SPATA22: variants seen among roughly 807,000 people sequenced by gnomAD.
SPATA22 encodes spermatogenesis associated 22.
A neutral mutation model predicts 47.8 loss-of-function variants in SPATA22; 29 were observed. That is an observed-to-expected ratio of 0.61 (90% CI 0.45 to 0.83). The LOEUF is 0.83. Ranked by LOEUF, SPATA22 falls within the 40% of genes least tolerant of loss-of-function variation. SPATA22 has a pLI of 0.00. For synonymous variants in SPATA22, 133 were observed against 140.9 expected, an observed-to-expected ratio of 0.94 and a Z score of 0.40; for missense variants, 410 against 421.7, an observed-to-expected ratio of 0.97 and a Z score of 0.24.
At chr17:3,442,614 C>T (rs2072622921) in intron 8 of SPATA22, among the ~76,000 whole-genome samples, 1 of 151,950 alleles carries the variant, frequency 6.6e-6, no homozygotes, top group African/African-American at 2.4e-5. Context: ...CCTAACAGTT[C>T]CTAACTCTTC....
At chr17:3,494,822 T>A (rs180873678) in intron 1 of SPATA22, among the ~76,000 whole-genome samples, 12 of 152,250 alleles carry the variant, frequency 7.9e-5, no homozygotes, top group African/African-American at 2.9e-4. Flanking sequence ...CCTACCCACA[T>A]TCAGCGGGTG....
In SPATA22 at chr17:3,466,304, A is replaced by G. The variant is rs374793382; in HGVS notation, c.172+1122T>C. Among the ~76,000 whole-genome samples, 7 of 152,098 alleles carry G rather than the reference A, an allele frequency of 4.6e-5. No homozygotes were observed. The East Asian group carries it at 9.6e-4, about 21-fold the overall frequency. On this transcript the variant is annotated intron_variant, in intron 3 of 8. Coordinates refer to ENST00000572969, the MANE Select transcript of SPATA22 (RefSeq NM_001170698.2). Reference sequence around the variant, plus strand: ...TGTATATAACCAGCATGTACCACGTATACTTCAGAATGTCTGCCTGCCCAT... The same window carrying G: ...TGTATATAACCAGCATGTACCACGTGTACTTCAGAATGTCTGCCTGCCCAT...
chr17:3,457,642 C>T (rs571020344), intron 5 of SPATA22, among the ~76,000 whole-genome samples: 38 of 138,638 alleles, frequency 2.7e-4, no homozygotes, highest in Middle Eastern at 3.6e-3. Flanking sequence ...CATAGATCAA[C>T]AGAATAGAGA....
chr17:3,460,591 C>T (rs920643148), intron 5 of SPATA22, among the ~76,000 whole-genome samples: 2 of 151,718 alleles, frequency 1.3e-5, no homozygotes, highest in African/African-American at 4.9e-5. Flanking sequence ...GAGTTCAAGA[C>T]CAGCCTGGGC....
chr17:3,455,812 G>GT (rs1184819704), intron 5 of SPATA22, among the ~76,000 whole-genome samples: 1 of 151,354 alleles, frequency 6.6e-6, no homozygotes, highest in Non-Finnish European at 1.5e-5. Flanking sequence ...CTTTAAAGTA[G>GT]TTTTTTCCAA....
intron 1 of SPATA22, chr17:3,510,561 C>T (rs916628787): frequency 1.3e-5 from 2 of 152,192 alleles, no homozygotes; most frequent in Non-Finnish European, 2.9e-5. Context: ...ATGGCACAAA[C>T]ATGTTCTTAC....
chr17:3,493,618 A>G (rs1219843483), intron 1 of SPATA22, among the ~76,000 whole-genome samples: 2 of 151,336 alleles, frequency 1.3e-5, no homozygotes, highest in Non-Finnish European at 2.9e-5. Flanking sequence ...AAGTCACCTC[A>G]GTTGCTGGAA....
chr17:3,457,881 G>A (rs1052679288), intron 5 of SPATA22, among the ~76,000 whole-genome samples: 25 of 152,014 alleles, frequency 1.6e-4, no homozygotes, highest in African/African-American at 5.1e-4. Flanking sequence ...AGGAAAAAAC[G>A]CAGAGAACAA....
intron 1 of SPATA22, among the ~76,000 whole-genome samples, chr17:3,509,596 T>C (rs1227526748): frequency 1.3e-5 from 2 of 152,228 alleles, no homozygotes; most frequent in Non-Finnish European, 2.9e-5. Context: ...TCCATGTCTT[T>C]GCTATTGTAA....
intron 7 of SPATA22, among the ~76,000 whole-genome samples, chr17:3,446,211 C>CA (rs1272020543): frequency 6.6e-6 from 1 of 152,044 alleles, no homozygotes; most frequent in Non-Finnish European, 1.5e-5. Flanking sequence ...TCTCTTTTGC[C>CA]ATATAAGGTA....
At chr17:3,468,781 AAT>A (rs1253892294) in intron 2 of SPATA22, 1 of 269,460 alleles carries the variant, frequency 3.7e-6, no homozygotes, top group Admixed American at 6.5e-5. Flanking sequence ...TAAATAAATT[AAT>A]ATATATAATT....
At position 3,469,371 on chromosome 17, in the gene SPATA22, T is replaced by C; in HGVS notation, c.-46A>G. 1.9e-5 allele frequency: 28 copies of C among 1,463,908 alleles called. No homozygotes were observed. Among genetic ancestry groups the C allele is most frequent in the Non-Finnish European group, 2.5e-5 (27 of 1,078,758 alleles). The allele number at this position is 1,463,908 out of a possible 1,614,324, so 90.7% of individuals were successfully genotyped here. A position where few individuals can be genotyped will look rare whatever the true frequency, so the allele number is the denominator to read the frequency against. On this transcript the variant is annotated 5_prime_UTR_variant, in exon 2 of 9. Coordinates refer to ENST00000572969, the MANE Select transcript of SPATA22 (RefSeq NM_001170698.2). ...ATAATTTTCTATTCAGCATTCCAAA[T>C]TTATAATATGACATTGTCCCACTAG...
Position 3,490,618 on chromosome 17 carries a change from G to C in SPATA22, c.-73-21220C>G, listed in dbSNP as rs959578893. 5.3e-5 allele frequency among the ~76,000 whole-genome samples: 8 copies of C among 152,080 alleles called. No homozygotes were observed. The highest frequency in any genetic ancestry group is 1.2e-4 in the Non-Finnish European group (8 of 68,018). ...CCAAAATCATGAAAACTGAAAATTT[G>C]CTTTTTACCATCTTTGTCTGAGGGC... On this transcript the variant is annotated intron_variant, in intron 1 of 8. Coordinates refer to the SPATA22 transcript ENST00000541913. The surrounding 1 kb of genome is among the most constrained non-coding windows in gnomAD (Gnocchi z 4.6).
At chr17:3,491,475 G>A (rs76398592) in intron 1 of SPATA22, among the ~76,000 whole-genome samples, 8,457 of 152,212 alleles carry the variant, frequency 0.056, 237 homozygotes, top group Non-Finnish European at 0.072. Flanking sequence ...GGCCAGGCGC[G>A]GTGGCTCATG....
intron 1 of SPATA22, among the ~76,000 whole-genome samples, chr17:3,482,010 A>T (rs1012208986): frequency 8.5e-5 from 13 of 152,144 alleles, no homozygotes; most frequent in Non-Finnish European, 1.8e-4. Context: ...AAATAAGTAA[A>T]ATAATAAACA....
At chr17:3,471,888 CT>C (rs2073447573), upstream of SPATA22, 1 of 984,872 alleles carries the variant, frequency 1.0e-6, no homozygotes, top group Non-Finnish European at 1.2e-6. Context: ...GGCATCTTCG[CT>C]GCCTGCCTGG....
In SPATA22 at chr17:3,465,172, G is replaced by A. The variant is rs1310471101; in HGVS notation, c.172+2254C>T. 6.7e-5 allele frequency among the ~76,000 whole-genome samples: 9 copies of A among 135,092 alleles called. 1 individual carries two copies. The highest frequency in any genetic ancestry group is 1.1e-4 in the Non-Finnish European group (7 of 61,366). The allele number at this position is 135,092 out of a possible 152,430, so 88.6% of individuals were successfully genotyped here. On this transcript the variant is annotated intron_variant, in intron 3 of 8. Transcript: ENST00000572969. ...AGGGAGGTGGGGGGGTCAGCCCCCCGCCCGGCCAGCCGCCTCGTCCAGGAG... is the reference window on the plus strand; with the variant it reads ...AGGGAGGTGGGGGGGTCAGCCCCCCACCCGGCCAGCCGCCTCGTCCAGGAG...
At chr17:3,472,099 A>C, upstream of SPATA22, 1 of 153,872 alleles carries the variant, frequency 6.5e-6, no homozygotes. Context: ...ACTTCCCCTC[A>C]CCCCCTGGCC....
At chr17:3,446,726 A>T (rs1172448307) in intron 6 of SPATA22, 125 bp from the exon 7 acceptor site, 1 of 757,160 alleles carries the variant, frequency 1.3e-6, no homozygotes, top group Non-Finnish European at 2.0e-6. Flanking sequence ...ACTACTGAAA[A>T]TTTTAGTATA....
Sources: allele counts gnomAD v4.1 joint callset (sites outside exome capture counted in the v4.1 genomes callset), GRCh38; gene constraint gnomAD v4.1.1; non-coding constraint Gnocchi (gnomAD v3.1); transcripts MANE v1.5; gene names NCBI Gene and HGNC (gene_info 2026-07-23, HGNC 2026-07-21).